Variants in KCNIP3 observed in about 807,000 individuals in gnomAD.
KCNIP3 encodes calsenilin.
A neutral mutation model predicts 35.0 loss-of-function variants in KCNIP3; 28 were observed. The observed-to-expected ratio is 0.80, with a 90% CI of 0.59 to 1.10. The LOEUF (loss-of-function observed/expected upper bound fraction) is 1.10, where lower values mean the gene tolerates loss of function less well. KCNIP3 is among the 50% of genes least tolerant of loss of function. KCNIP3 has a pLI of 0.00. For missense variants in KCNIP3, 295 were observed against 338.4 expected, an observed-to-expected ratio of 0.87 and a Z score of 1.01; for synonymous variants, 134 against 133.8, an observed-to-expected ratio of 1.00 and a Z score of -0.01.
intron 1 of KCNIP3, among the ~76,000 whole-genome samples, chr2:95,304,090 C>T (rs1323353187): frequency 3.3e-5 from 5 of 152,312 alleles, no homozygotes; most frequent in African/African-American, 1.2e-4. Flanking sequence ...GGCGAGAGGC[C>T]GCCGTCACTC....
chr2:95,374,947 G>A lies in KCNIP3; in HGVS notation c.376+30G>A, dbSNP rs779359007. The A allele has an allele frequency of 1.1e-5, 18 of 1,609,270 alleles. No homozygotes were observed. The South Asian group carries it at 2.0e-4, about 18-fold the overall frequency. On this transcript the variant is annotated intron_variant, in intron 4 of 8. Coordinates refer to ENST00000295225, the MANE Select transcript of KCNIP3 (RefSeq NM_013434.5). ...GTCTGAGGCAGGGCAGCCCTGCTGT[G>A]TCCCAGTGTGGAGGGAGGGGACCCT...
chr2:95,361,195 T>C (rs987334361), intron 2 of KCNIP3, among the ~76,000 whole-genome samples: 61 of 152,296 alleles, frequency 4.0e-4, no homozygotes, highest in African/African-American at 1.4e-3. Context: ...GCCATCTTCT[T>C]GCCTTTCTTC....
chr2:95,351,972 G>A (rs371296635), intron 2 of KCNIP3, among the ~76,000 whole-genome samples: 2 of 152,228 alleles, frequency 1.3e-5, no homozygotes, highest in South Asian at 4.2e-4. Flanking sequence ...CAGAGAAGAG[G>A]GTGGGACAGG....
intron 2 of KCNIP3, chr2:95,347,033 G>A: frequency 1.2e-6 from 2 of 1,609,768 alleles, no homozygotes; most frequent in South Asian, 1.1e-5. Context: ...GGCATCCAGG[G>A]CATGGAGCTG....
At chr2:95,318,955 A>G (rs1034875740) in intron 2 of KCNIP3, among the ~76,000 whole-genome samples, 1 of 152,224 alleles carries the variant, frequency 6.6e-6, no homozygotes, top group African/African-American at 2.4e-5. Context: ...CCCCATGCTG[A>G]GAGGTCACCT....
chr2:95,299,393 T>A (rs1677961234), intron 1 of KCNIP3, among the ~76,000 whole-genome samples: 1 of 152,180 alleles, frequency 6.6e-6, no homozygotes, highest in South Asian at 2.1e-4. Flanking sequence ...GAGCTCAGGT[T>A]GGGAGGTGTT....
intron 2 of KCNIP3, among the ~76,000 whole-genome samples, chr2:95,357,014 G>A (rs372147599): frequency 7.9e-4 from 120 of 152,310 alleles, no homozygotes; most frequent in African/African-American, 2.6e-3. Flanking sequence ...CATGCTCGCC[G>A]GCGTGGGTGG....
chr2:95,330,669 G>T (rs1678907360), intron 2 of KCNIP3, among the ~76,000 whole-genome samples: 1 of 152,200 alleles, frequency 6.6e-6, no homozygotes, highest in African/African-American at 2.4e-5. Context: ...GGCCACCGAT[G>T]CAGAGGGCCC....
chr2:95,381,753 T>C (rs745609417), intron 6 of KCNIP3, 50 bp downstream of exon 6: 4 of 1,205,702 alleles, frequency 3.3e-6, no homozygotes, highest in Middle Eastern at 2.4e-4. Flanking sequence ...CTCCTGCTGC[T>C]CCACCCCTCC....
At chr2:95,309,493 A>G (rs1373829452) in intron 1 of KCNIP3, among the ~76,000 whole-genome samples, 1 of 148,094 alleles carries the variant, frequency 6.8e-6, no homozygotes, top group Non-Finnish European at 1.5e-5. Context: ...GCATGATCTC[A>G]GCTCACTGTA....
chr2:95,331,204 G>A (rs1678919733), intron 2 of KCNIP3, among the ~76,000 whole-genome samples: 2 of 152,138 alleles, frequency 1.3e-5, no homozygotes, highest in African/African-American at 2.4e-5. Flanking sequence ...GGGAGCAGCG[G>A]TACATTTGGA....
At chr2:95,314,834 T>C (rs537940683) in intron 2 of KCNIP3, among the ~76,000 whole-genome samples, 188 of 152,264 alleles carry the variant, frequency 1.2e-3, no homozygotes, top group Middle Eastern at 3.4e-3. Flanking sequence ...AGGCACTGGA[T>C]GAGGGAGGGG....
In KCNIP3 at chr2:95,367,254, C is replaced by T. The variant is rs142767223; in HGVS notation, c.182-7042C>T. On this transcript the variant is annotated intron_variant, in intron 2 of 8. Coordinates refer to ENST00000295225, the MANE Select transcript of KCNIP3 (RefSeq NM_013434.5). ...TGCCACTGCACTCCAGCCTGGGCGA[C>T]GGAGCCAAACTCTGTCTTAAAAAAA... Among the ~76,000 whole-genome samples, 366 of 152,076 alleles carry T rather than the reference C, an allele frequency of 2.4e-3. 13 individuals are homozygous for T. In the East Asian group the frequency reaches 0.069, roughly 29 times the overall value.
At chr2:95,308,068 G>A (rs1678221507) in intron 1 of KCNIP3, among the ~76,000 whole-genome samples, 1 of 152,190 alleles carries the variant, frequency 6.6e-6, no homozygotes, top group African/African-American at 2.4e-5. Context: ...GTGTGCTTGT[G>A]TGTGCATATG....
intron 2 of KCNIP3, among the ~76,000 whole-genome samples, chr2:95,319,253 A>T (rs1259879654): frequency 6.6e-6 from 1 of 152,210 alleles, no homozygotes; most frequent in Non-Finnish European, 1.5e-5. Flanking sequence ...CCGGGGGCTC[A>T]GTCTAGCCCC....
chr2:95,338,709 C>T (rs1002550823), intron 2 of KCNIP3, among the ~76,000 whole-genome samples: 13 of 152,244 alleles, frequency 8.5e-5, no homozygotes, highest in African/African-American at 1.4e-4. Context: ...TCTACTCGAG[C>T]GGAAGAAGGA....
intron 2 of KCNIP3, among the ~76,000 whole-genome samples, chr2:95,345,443 G>A (rs543159612): frequency 1.9e-4 from 29 of 152,396 alleles, no homozygotes; most frequent in African/African-American, 6.5e-4. Flanking sequence ...CCCCACCCAG[G>A]CAGCGAGCTC....
In KCNIP3 at chr2:95,374,828, G is replaced by A. The variant is rs1469148853; in HGVS notation, c.307-20G>A. The stretch of plus-strand genomic sequence containing the variant: ...GAGCTGGGGGTGGCCGAGGGCTGAG[G>A]GGGTGCCTTCCTGCTGCAGGAGTGT... On this transcript the variant is annotated intron_variant, in intron 3 of 8. Coordinates refer to ENST00000295225, the MANE Select transcript of KCNIP3 (RefSeq NM_013434.5). 1 of 1,612,518 alleles carries A rather than the reference G, an allele frequency of 6.2e-7. No individual in the cohort carries two copies. Among genetic ancestry groups the A allele is most frequent in the African/African-American group, 1.3e-5 (1 of 74,932 alleles).
At chr2:95,315,334 C>T (rs143839911) in intron 2 of KCNIP3, among the ~76,000 whole-genome samples, 9 of 152,264 alleles carry the variant, frequency 5.9e-5, no homozygotes, top group South Asian at 2.1e-4. Context: ...TACGGTGTTT[C>T]GTTCTCAAGC....
Sources: gnomAD v4.1 joint callset for allele counts (sites outside exome capture counted in the v4.1 genomes callset) on GRCh38, gnomAD v4.1.1 for gene constraint, MANE v1.5 for transcripts, NCBI Gene and HGNC (gene_info 2026-07-23, HGNC 2026-07-21) for gene names.